DLG2: variants seen among roughly 807,000 people sequenced by gnomAD.
The protein encoded by DLG2 is discs large MAGUK scaffold protein 2.
In DLG2, 45 loss-of-function variants were observed where a neutral mutation model predicts 132.5. That is an observed-to-expected ratio of 0.34 (90% CI 0.27 to 0.44). The LOEUF (loss-of-function observed/expected upper bound fraction) is 0.44. DLG2 is among the 20% of genes least tolerant of loss of function. The pLI, the probability that DLG2 is intolerant of heterozygous loss-of-function variation, is 1.00. For synonymous variants in DLG2, 424 were observed against 419.6 expected (o/e 1.01, Z -0.13); for missense variants, 1,045 against 1,196.9 (o/e 0.87, Z 1.87).
At chr11:85,498,926 G>T (rs139567293) in intron 3 of DLG2, among the ~76,000 whole-genome samples, 2 of 152,138 alleles carry the variant, frequency 1.3e-5, no homozygotes, top group Admixed American at 6.5e-5. Flanking sequence ...GAATCTCTGG[G>T]ACACATTTAA....
chr11:84,370,265 A>G (rs1040188959), intron 7 of DLG2, among the ~76,000 whole-genome samples: 1 of 152,094 alleles, frequency 6.6e-6, no homozygotes, highest in African/African-American at 2.4e-5. Context: ...TTTTTTTTCA[A>G]CTTTATTAGG....
intron 18 of DLG2, among the ~76,000 whole-genome samples, chr11:83,711,939 C>G (rs1050237056): frequency 7.2e-5 from 11 of 152,130 alleles, no homozygotes; most frequent in South Asian, 2.1e-4. Context: ...CAACGAGATA[C>G]TATCTCATGC....
At chr11:83,521,981 C>G (rs938582763) in intron 21 of DLG2, among the ~76,000 whole-genome samples, 2 of 152,148 alleles carry the variant, frequency 1.3e-5, no homozygotes, top group Non-Finnish European at 2.9e-5. Context: ...CAAAGAAGAG[C>G]CTCTTCAAAA....
chr11:85,425,415 A>C (rs958933180), intron 3 of DLG2, among the ~76,000 whole-genome samples: 6 of 152,182 alleles, frequency 3.9e-5, no homozygotes, highest in Non-Finnish European at 8.8e-5. Context: ...AATTTACCAT[A>C]ATGAACATAT....
At chr11:85,326,416 C>T (rs1320551835) in intron 3 of DLG2, among the ~76,000 whole-genome samples, 2 of 115,562 alleles carry the variant, frequency 1.7e-5, no homozygotes, top group African/African-American at 3.4e-5. Flanking sequence ...AGACTAACAG[C>T]GGATCTCTCG....
chr11:84,158,814 A>G (rs1205874890), intron 9 of DLG2, among the ~76,000 whole-genome samples: 1 of 152,224 alleles, frequency 6.6e-6, no homozygotes, highest in Non-Finnish European at 1.5e-5. Flanking sequence ...GTGGAATGCT[A>G]TGTCTTTAAT....
intron 6 of DLG2, among the ~76,000 whole-genome samples, chr11:84,707,292 A>G (rs2059888702): frequency 6.6e-6 from 1 of 151,824 alleles, no homozygotes; most frequent in Non-Finnish European, 1.5e-5. Flanking sequence ...CAGAGAGATA[A>G]AGATTTTTAT....
At chr11:84,113,757 A>G (rs1166985657) in intron 9 of DLG2, among the ~76,000 whole-genome samples, 1 of 152,218 alleles carries the variant, frequency 6.6e-6, no homozygotes, top group Non-Finnish European at 1.5e-5. Flanking sequence ...TACATGAGTA[A>G]AAGGTTCATT....
chr11:83,553,625 T>A (rs144276393), intron 19 of DLG2, among the ~76,000 whole-genome samples: 152 of 152,160 alleles, frequency 1.0e-3, no homozygotes, highest in Non-Finnish European at 1.5e-3. Flanking sequence ...GCAAACACTT[T>A]TAGTACTCTT....
intron 17 of DLG2, among the ~76,000 whole-genome samples, chr11:83,798,728 A>G (rs1479758243): frequency 6.6e-6 from 1 of 152,132 alleles, no homozygotes; most frequent in Non-Finnish European, 1.5e-5. Context: ...GATCCAAACT[A>G]TCTCTACTTT....
chr11:83,931,729 T>C (rs1203627597), intron 14 of DLG2, among the ~76,000 whole-genome samples: 4 of 152,260 alleles, frequency 2.6e-5, no homozygotes, highest in Admixed American at 2.6e-4. Context: ...GGAACCATTT[T>C]GTGAATATAA....
At chr11:84,281,226 A>T (rs2097851466) in intron 7 of DLG2, among the ~76,000 whole-genome samples, 1 of 152,166 alleles carries the variant, frequency 6.6e-6, no homozygotes, top group African/African-American at 2.4e-5. Flanking sequence ...ATGAGAGAAG[A>T]TCTTTATGAC....
chr11:84,475,282 T>C (rs1436258109), intron 7 of DLG2, among the ~76,000 whole-genome samples: 3 of 152,164 alleles, frequency 2.0e-5, no homozygotes, highest in Non-Finnish European at 4.4e-5. Flanking sequence ...TATGTGATGT[T>C]CTAAAATGTT....
At chr11:84,865,450 T>C (rs900364451) in intron 6 of DLG2, among the ~76,000 whole-genome samples, 1 of 152,196 alleles carries the variant, frequency 6.6e-6, no homozygotes, top group African/African-American at 2.4e-5. Context: ...ATTTCTGCTA[T>C]ATTTATCTTG....
At chr11:83,472,841 G>T in intron 22 of DLG2, 64 bp from the exon 23 acceptor site, 1 of 1,351,366 alleles carries the variant, frequency 7.4e-7, no homozygotes, top group Admixed American at 1.8e-5. Flanking sequence ...GACAAGCCCT[G>T]CTCTGAAACA....
At chr11:84,581,173 T>A (rs1349648726) in intron 6 of DLG2, among the ~76,000 whole-genome samples, 2 of 152,206 alleles carry the variant, frequency 1.3e-5, no homozygotes, top group Non-Finnish European at 2.9e-5. Flanking sequence ...ACAATAATTA[T>A]GAGAAGTTCA....
At chr11:84,829,148 G>A (rs1431418417) in intron 6 of DLG2, among the ~76,000 whole-genome samples, 4 of 151,642 alleles carry the variant, frequency 2.6e-5, no homozygotes, top group South Asian at 2.1e-4. Flanking sequence ...GTAGATTATT[G>A]TAATTCCCAA....
intron 9 of DLG2, among the ~76,000 whole-genome samples, chr11:84,117,912 A>G (rs1295950672): frequency 1.3e-5 from 2 of 152,040 alleles, no homozygotes; most frequent in African/African-American, 4.8e-5. Context: ...CTGGAGTGCA[A>G]CGGTGCGATC....
intron 19 of DLG2, among the ~76,000 whole-genome samples, chr11:83,571,494 G>A (rs1056310756): frequency 6.6e-6 from 1 of 150,470 alleles, no homozygotes; most frequent in Non-Finnish European, 1.5e-5. Context: ...AAGAGAGATT[G>A]CATCACCCAC....
Sources: allele counts gnomAD v4.1 joint callset (sites outside exome capture counted in the v4.1 genomes callset), GRCh38; gene constraint gnomAD v4.1.1; transcripts MANE v1.5; gene names NCBI Gene and HGNC (gene_info 2026-07-23, HGNC 2026-07-21).